The following MTOR variants were observed in gnomAD, a reference collection of about 807,000 sequenced individuals.
The protein encoded by MTOR is mechanistic target of rapamycin kinase.
Under a neutral mutation model 319.8 loss-of-function variants are expected in MTOR, and 70 were observed. The observed-to-expected ratio is 0.22, with a 90% CI of 0.18 to 0.27. The LOEUF (loss-of-function observed/expected upper bound fraction) is 0.27. MTOR is among the 10% of genes least tolerant of loss of function. The pLI, the probability that MTOR is intolerant of heterozygous loss-of-function variation, is 1.00. For missense variants in MTOR, 1,890 were observed against 3,274.4 expected (o/e 0.58, Z 10.32); for synonymous variants, 1,183 against 1,211.4 (o/e 0.98, Z 0.49).
chr1:11,145,072 G>C, intron 32 of MTOR, 27 bp from the exon 33 acceptor site: 1 of 1,607,970 alleles, frequency 6.2e-7, no homozygotes, highest in Non-Finnish European at 8.5e-7. Context: ...CCTTGGGACT[G>C]AGCTCTGGAC....
intron 25 of MTOR, among the ~76,000 whole-genome samples, chr1:11,205,198 A>C (rs1246264081): frequency 6.6e-6 from 1 of 152,208 alleles, no homozygotes; most frequent in Non-Finnish European, 1.5e-5. Context: ...GGTTGAACAG[A>C]TTTAATTTCT....
At chr1:11,131,053 C>T (rs1470144141) in intron 38 of MTOR, 16 of 515,936 alleles carry the variant, frequency 3.1e-5, no homozygotes, top group South Asian at 1.6e-4. Context: ...AGGGATCTCC[C>T]GGCCTCCTAG....
In MTOR at chr1:11,128,201, A is replaced by G; in HGVS notation, c.5911-75T>C. On this transcript the variant is annotated intron_variant, in intron 42 of 57. Coordinates refer to ENST00000361445, the MANE Select transcript of MTOR (RefSeq NM_004958.4). This position sits in a 1 kb window ranked among gnomAD's most constrained non-coding sequence, Gnocchi z 5.3. ...AGAGCTGGTATGAATTTTAAGGAGA[A>G]TAACAAAACAAGTGGTGAGTGTGAC... The G allele has an allele frequency of 6.3e-7, 1 of 1,575,284 alleles. No homozygotes were observed.
intron 8 of MTOR, among the ~76,000 whole-genome samples, chr1:11,244,964 T>C (rs1392679345): frequency 6.6e-6 from 1 of 152,210 alleles, no homozygotes; most frequent in Non-Finnish European, 1.5e-5. Context: ...CTAAGACGCA[T>C]TTCTCAGAAT....
At chr1:11,120,069 T>TTATA (rs919746331) in intron 49 of MTOR, among the ~76,000 whole-genome samples, 4 of 147,402 alleles carry the variant, frequency 2.7e-5, no homozygotes, top group East Asian at 2.0e-4. Flanking sequence ...AAAAAAAAAT[T>TTATA]TATATATATA....
intron 36 of MTOR, 70 bp from the exon 37 acceptor site, chr1:11,134,536 T>C: frequency 7.5e-7 from 1 of 1,334,358 alleles, no homozygotes; most frequent in Non-Finnish European, 1.1e-6. Context: ...GAGCTACCGT[T>C]CATCTGATAG....
At chr1:11,187,746 T>C (rs1645369229) in intron 28 of MTOR, among the ~76,000 whole-genome samples, 1 of 152,152 alleles carries the variant, frequency 6.6e-6, no homozygotes, top group Admixed American at 6.6e-5. Context: ...GGCCAGAGTC[T>C]CGTTACTAAA....
In MTOR at chr1:11,180,787, T is replaced by A. The variant is rs571419710; in HGVS notation, c.4254-13270A>T. ...CTGCCCAGAAATAAGGCAGGTTTTTTTTTTTTTTTTGACGGAGTCTTGCTC... is the reference window on the plus strand; with the variant it reads ...CTGCCCAGAAATAAGGCAGGTTTTTATTTTTTTTTTGACGGAGTCTTGCTC... On this transcript the variant is annotated intron_variant, in intron 28 of 57. Coordinates refer to ENST00000361445, the MANE Select transcript of MTOR (RefSeq NM_004958.4). Among the ~76,000 whole-genome samples the A allele has an allele frequency of 1.2e-4, 19 of 152,126 alleles. No homozygotes were observed. In the South Asian group the frequency reaches 3.3e-3, roughly 27 times the overall value.
rs1052446773 is a variant in MTOR at position 11,127,226 on chromosome 1, T to C, written c.6217-82A>G. 2 of 1,581,964 alleles carry C rather than the reference T, an allele frequency of 1.3e-6. No homozygotes were observed. Among genetic ancestry groups the C allele is most frequent in the Middle Eastern group, 2.3e-4 (1 of 4,370 alleles). On this transcript the variant is annotated intron_variant, in intron 44 of 57. Transcript: ENST00000361445. The surrounding 1 kb of genome is among the most constrained non-coding windows in gnomAD (Gnocchi z 5.5). ...GCAAAATCCCCAGGCTGACTGCAGA[T>C]ATTCCTCAGGAGCCCGCTGTGGCCT...
At chr1:11,175,676 G>C (rs931870593) in intron 28 of MTOR, among the ~76,000 whole-genome samples, 2 of 152,096 alleles carry the variant, frequency 1.3e-5, no homozygotes, top group African/African-American at 4.8e-5. Flanking sequence ...AGTGACGGTA[G>C]AGCAGCTCAC....
At chr1:11,255,293 G>C (rs1650218930) in intron 5 of MTOR, among the ~76,000 whole-genome samples, 1 of 142,546 alleles carries the variant, frequency 7.0e-6, no homozygotes, top group South Asian at 2.2e-4. Flanking sequence ...TGAGGCAGGA[G>C]AATCACTTGA....
chr1:11,216,075 T>C lies in MTOR; in HGVS notation c.3117+73A>G, dbSNP rs926727436. On this transcript the variant is annotated intron_variant, in intron 20 of 57. Transcript: ENST00000361445. The stretch of plus-strand genomic sequence containing the variant: ...ACAAAGATCCGTGAAAAAAAGTCTA[T>C]GTCATTCAAACTTGCTTCTGAGCCT... 34 of 1,066,956 alleles carry C rather than the reference T, an allele frequency of 3.2e-5. No individual in the cohort carries two copies. In the African/African-American group the frequency reaches 4.7e-4, roughly 15 times the overall value. The allele number at this position is 1,066,956 out of a possible 1,614,324, so 66.1% of individuals were successfully genotyped here.
intron 6 of MTOR, among the ~76,000 whole-genome samples, chr1:11,249,569 T>G (rs1417818161): frequency 6.9e-6 from 1 of 144,072 alleles, no homozygotes; most frequent in Non-Finnish European, 1.5e-5. Flanking sequence ...CCTGCGGCCT[T>G]CCGCAGTGTT....
intron 2 of MTOR, 73 bp from the exon 3 acceptor site, chr1:11,258,666 T>C: frequency 8.8e-7 from 1 of 1,133,442 alleles, no homozygotes; most frequent in Non-Finnish European, 1.3e-6. Flanking sequence ...GGCTGGCATC[T>C]AAAGATTAGA....
chr1:11,199,448 G>A lies in MTOR; in HGVS notation c.4108-45C>T, dbSNP rs1385275804. The A allele has an allele frequency of 1.9e-6, 3 of 1,613,950 alleles. No individual in the cohort carries two copies. Among genetic ancestry groups the A allele is most frequent in the Admixed American group, 1.7e-5 (1 of 60,008 alleles). On this transcript the variant is annotated intron_variant, in intron 27 of 57. Transcript: ENST00000361445. The surrounding 1 kb of genome is among the most constrained non-coding windows in gnomAD (Gnocchi z 4.5). ...CACAGCACAGGAAAATGGCAGATGG[G>A]GCACAAACAAGAGAAGGCTGTGTGG...
intron 34 of MTOR, 182 bp downstream of exon 34, chr1:11,144,466 C>G: frequency 1.8e-6 from 1 of 542,238 alleles, no homozygotes; most frequent in Middle Eastern, 4.3e-4. Context: ...GTCATTCTCT[C>G]ACAGCTTAAG....
rs1553179761 is a variant in MTOR at position 11,160,075 on chromosome 1, C to CACTT, written c.4330-2785_4330-2784insAAGT. Among the ~76,000 whole-genome samples the CACTT allele has an allele frequency of 2.2e-4, 31 of 143,420 alleles. No homozygotes were observed. In the East Asian group the frequency reaches 6.3e-3, roughly 29 times the overall value. The allele number at this position is 143,420 out of a possible 152,430, so 94.1% of individuals were successfully genotyped here. Reference sequence around the variant, plus strand: ...CCTCAATGTCAGATATCAATTATAGCATTTATTTATTTATTTATTTATTTA... The same window carrying CACTT: ...CCTCAATGTCAGATATCAATTATAGCACTTATTTATTTATTTATTTATTTATTTA... On this transcript the variant is annotated intron_variant, in intron 29 of 57. Coordinates refer to ENST00000361445, the MANE Select transcript of MTOR (RefSeq NM_004958.4).
At chr1:11,260,302 G>A (rs1184681633) in intron 1 of MTOR, among the ~76,000 whole-genome samples, 1 of 152,174 alleles carries the variant, frequency 6.6e-6, no homozygotes, top group Non-Finnish European at 1.5e-5. Context: ...CGGCACTTTG[G>A]GAGCCCAAGG....
chr1:11,159,784 T>C (rs1433724290), intron 29 of MTOR, among the ~76,000 whole-genome samples: 1 of 152,212 alleles, frequency 6.6e-6, no homozygotes, highest in Non-Finnish European at 1.5e-5. Flanking sequence ...TTTCTCACTT[T>C]AACATCCTGG....
Sources: allele counts gnomAD v4.1 joint callset (sites outside exome capture counted in the v4.1 genomes callset), GRCh38; gene constraint gnomAD v4.1.1; non-coding constraint Gnocchi (gnomAD v3.1); transcripts MANE v1.5; gene names NCBI Gene and HGNC (gene_info 2026-07-23, HGNC 2026-07-21).